Variants in TM2D1 observed in about 807,000 individuals in gnomAD.
TM2D1 encodes TM2 domain-containing protein 1.
In TM2D1, 15 loss-of-function variants were observed where a neutral mutation model predicts 28.4. The ratio of observed to expected loss-of-function variants is 0.53; its 90% CI spans 0.35 to 0.81. The LOEUF (loss-of-function observed/expected upper bound fraction) is 0.81. Among genes scored for constraint, TM2D1 ranks in the 40% least tolerant of loss-of-function variants. The pLI, the probability that TM2D1 is intolerant of heterozygous loss-of-function variation, is 0.01. For missense variants in TM2D1, 236 were observed against 254.9 expected (o/e 0.93, Z 0.50); for synonymous variants, 93 against 96.2 (o/e 0.97, Z 0.20).
Position 61,724,832 on chromosome 1 carries a change from T to C in TM2D1, c.164+125A>G, listed in dbSNP as rs1050008660. ...TCACCTTCAGGGATCCTTCAGTCAT[T>C]AGAAGCCACAGATCAGATTATCGTT... On this transcript the variant is annotated intron_variant, in intron 1 of 6. Coordinates refer to ENST00000606498, the MANE Select transcript of TM2D1 (RefSeq NM_032027.3). 6 of 1,089,348 alleles carry C rather than the reference T, an allele frequency of 5.5e-6. 1 individual carries two copies. Among genetic ancestry groups the C allele is most frequent in the South Asian group, 4.9e-5 (2 of 40,630 alleles). 67.5% of individuals were successfully genotyped at this position (1,089,348 alleles called of 1,614,324 possible).
intron 2 of TM2D1, among the ~76,000 whole-genome samples, chr1:61,711,513 T>C (rs1452110935): frequency 6.6e-6 from 1 of 151,296 alleles, no homozygotes; most frequent in Non-Finnish European, 1.5e-5. Flanking sequence ...TGGTCAGGCA[T>C]GGTGGTGCTC....
chr1:61,687,623 T>A (rs1420280278), intron 5 of TM2D1, among the ~76,000 whole-genome samples: 2 of 152,206 alleles, frequency 1.3e-5, no homozygotes, highest in Non-Finnish European at 1.5e-5. Flanking sequence ...ACCCCTCATT[T>A]AACAGCATTG....
rs1644485432 is a variant in TM2D1, at chr1:61,712,408, C to T, written c.239-2971G>A. Among the ~76,000 whole-genome samples, 3 of 151,976 alleles carry T rather than the reference C, an allele frequency of 2.0e-5. No individual in the cohort carries two copies. The South Asian group carries it at 6.2e-4, about 32-fold the overall frequency. ...AAATGGTTGGAAAAAATGTCATTTC[C>T]AGTTTGTTCATTTATTTATTGAAAC... On this transcript the variant is annotated intron_variant, in intron 2 of 6. Coordinates refer to ENST00000606498, the MANE Select transcript of TM2D1 (RefSeq NM_032027.3).
At chr1:61,700,107 T>A in intron 4 of TM2D1, 1 of 1,452,294 alleles carries the variant, frequency 6.9e-7, no homozygotes, top group Non-Finnish European at 9.0e-7. Context: ...CCAGAAAATT[T>A]GGGTTCAAAT....
chr1:61,717,693 A>G (rs778669422), intron 2 of TM2D1, among the ~76,000 whole-genome samples: 2 of 152,132 alleles, frequency 1.3e-5, no homozygotes, highest in Non-Finnish European at 2.9e-5. Context: ...CCAGCCTCAG[A>G]CTACCAAATA....
chr1:61,696,346 CT>C (rs781449756), intron 4 of TM2D1: 5 of 152,230 alleles, frequency 3.3e-5, no homozygotes, highest in Non-Finnish European at 7.3e-5. Flanking sequence ...AGAGACCAGC[CT>C]GGCCAACATG....
intron 2 of TM2D1, among the ~76,000 whole-genome samples, chr1:61,714,297 C>A (rs1185495460): frequency 6.6e-6 from 1 of 151,596 alleles, no homozygotes; most frequent in South Asian, 2.1e-4. Flanking sequence ...AATCCCAGCA[C>A]TTTGGGAGGC....
chr1:61,685,792 C>G (rs1644280929), intron 5 of TM2D1, among the ~76,000 whole-genome samples: 3 of 152,112 alleles, frequency 2.0e-5, no homozygotes. Context: ...CTGCTTGAAG[C>G]CAGAAGTTTG....
intron 2 of TM2D1, among the ~76,000 whole-genome samples, chr1:61,713,488 C>CAAAAAAAA (rs369601221): frequency 4.0e-3 from 356 of 89,632 alleles, no homozygotes; most frequent in Non-Finnish European, 5.1e-3. Flanking sequence ...AACTCAAAAA[C>CAAAAAAAA]AAAAAAAAAA....
intron 5 of TM2D1, among the ~76,000 whole-genome samples, chr1:61,686,032 T>A (rs554928983): frequency 4.6e-5 from 7 of 152,164 alleles, no homozygotes; most frequent in Admixed American, 1.3e-4. Flanking sequence ...ATTAAGTCGG[T>A]GTGGTAAAGC....
At chr1:61,711,698 C>T (rs1644480573) in intron 2 of TM2D1, among the ~76,000 whole-genome samples, 1 of 152,008 alleles carries the variant, frequency 6.6e-6, no homozygotes, top group Admixed American at 6.5e-5. Flanking sequence ...TGGCTACCTG[C>T]CTTGGCACAG....
At chr1:61,697,003 A>G (rs2148044295) in intron 4 of TM2D1, among the ~76,000 whole-genome samples, 1 of 152,288 alleles carries the variant, frequency 6.6e-6, no homozygotes, top group South Asian at 2.1e-4. Context: ...AGTGACAACA[A>G]AAGTAGTTGC....
At chr1:61,698,827 C>G (rs1570106463) in intron 4 of TM2D1, 1 of 151,848 alleles carries the variant, frequency 6.6e-6, no homozygotes, top group South Asian at 2.1e-4. Flanking sequence ...TCAAGCAATC[C>G]CCCAACCTCA....
Position 61,683,418 on chromosome 1 carries a change from G to A in TM2D1, c.*18C>T, listed in dbSNP as rs993382577. ...TACATATATATATATATCACTTACT[G>A]TTTCTTTTAAAAAATATTTATGGAT... On this transcript the variant is annotated splice_region_variant and 3_prime_UTR_variant, in exon 6 of 7. Coordinates refer to ENST00000606498, the MANE Select transcript of TM2D1 (RefSeq NM_032027.3). 1 of 1,057,352 alleles carries A rather than the reference G, an allele frequency of 9.5e-7. No homozygotes were observed. Among genetic ancestry groups the A allele is most frequent in the South Asian group, 1.7e-5 (1 of 57,576 alleles). 65.5% of individuals were successfully genotyped at this position (1,057,352 alleles called of 1,614,324 possible).
At chr1:61,701,976 G>C (rs919289610) in intron 3 of TM2D1, among the ~76,000 whole-genome samples, 1 of 152,050 alleles carries the variant, frequency 6.6e-6, no homozygotes, top group Admixed American at 6.6e-5. Context: ...GGATCACTGA[G>C]GTCAGGAGTT....
At position 61,683,448 on chromosome 1, in the gene TM2D1, T is replaced by C; in HGVS notation, c.612A>G (p.Gln204=). 4.3e-6 allele frequency: 6 copies of C among 1,399,740 alleles called. No homozygotes were observed. Among genetic ancestry groups the C allele is most frequent in the Non-Finnish European group, 5.8e-6 (6 of 1,038,066 alleles). 86.7% of individuals were successfully genotyped at this position (1,399,740 alleles called of 1,614,324 possible). A position where few individuals can be genotyped will look rare whatever the true frequency, so the allele number is the denominator to read the frequency against. ...SITNETFRKT[Q]LYP ...TTTTAAAAAATATTTATGGATATAATTGCGTTTTTCTAAATGTTTCATTAG... is the reference window on the plus strand; with the variant it reads ...TTTTAAAAAATATTTATGGATATAACTGCGTTTTTCTAAATGTTTCATTAG... Residue 204 remains glutamine, a synonymous_variant, in exon 6 of 7, where the codon CAA becomes CAG. Transcript: ENST00000606498.
chr1:61,711,823 A>C (rs189344389), intron 2 of TM2D1, among the ~76,000 whole-genome samples: 2 of 152,320 alleles, frequency 1.3e-5, no homozygotes, highest in Admixed American at 1.3e-4. Context: ...TAGACAACTC[A>C]AAGTTGAGGT....
chr1:61,708,225 T>C (rs1208633402), intron 3 of TM2D1, among the ~76,000 whole-genome samples: 3 of 152,076 alleles, frequency 2.0e-5, no homozygotes, highest in Non-Finnish European at 4.4e-5. Flanking sequence ...TTTTTGTATT[T>C]TTTTGTAGAG....
At position 61,725,068 on chromosome 1, in the gene TM2D1, C is replaced by A; in HGVS notation, c.53G>T (p.Arg18Ile). 1 of 1,613,938 alleles carries A rather than the reference C, an allele frequency of 6.2e-7. No individual in the cohort carries two copies. The highest frequency in any genetic ancestry group is 8.5e-7 in the Non-Finnish European group (1 of 1,179,906). Reference sequence around the variant, plus strand: ...GACGAACCACAGGACACCAACGAGTCTGGCCGTCACGGCCTCCGGAGCAGA... The same window carrying A: ...GACGAACCACAGGACACCAACGAGTATGGCCGTCACGGCCTCCGGAGCAGA... ...GPSAPEAVTA[R>I]LVGVLWFVSV... The change falls in exon 1 of 7, where the codon AGA (arginine) becomes ATA (isoleucine). Residue 18 changes from arginine to isoleucine, a missense_variant. By Grantham distance (97) the Arg-to-Ile change is moderately conservative. Coordinates refer to ENST00000606498, the MANE Select transcript of TM2D1 (RefSeq NM_032027.3).
Sources: allele counts gnomAD v4.1 joint callset (sites outside exome capture counted in the v4.1 genomes callset), GRCh38; gene constraint gnomAD v4.1.1; transcripts MANE v1.5; gene names NCBI Gene and HGNC (gene_info 2026-07-23, HGNC 2026-07-21).